Variants in RHOT1 observed in about 807,000 individuals in gnomAD.
RHOT1 encodes the protein mitochondrial Rho GTPase 1.
Under a neutral mutation model 95.3 loss-of-function variants are expected in RHOT1, and 27 were observed. The ratio of observed to expected loss-of-function variants is 0.28; its 90% CI spans 0.21 to 0.39. The LOEUF (loss-of-function observed/expected upper bound fraction) is 0.39, where lower values mean the gene tolerates loss of function less well. Among genes scored for constraint, RHOT1 ranks in the 10% least tolerant of loss-of-function variants. RHOT1 has a pLI of 1.00. For missense variants in RHOT1, 578 were observed against 786.7 expected (o/e 0.73, Z 3.17); for synonymous variants, 227 against 263.5 (o/e 0.86, Z 1.34).
intron 16 of RHOT1, among the ~76,000 whole-genome samples, chr17:32,205,184 C>T (rs965734040): frequency 6.6e-6 from 1 of 151,874 alleles, no homozygotes; most frequent in Admixed American, 6.6e-5. Flanking sequence ...CACCCCCTGA[C>T]AGGCCCCTGT....
intron 16 of RHOT1, among the ~76,000 whole-genome samples, chr17:32,206,635 A>G (rs2037771810): frequency 6.6e-6 from 1 of 151,364 alleles, no homozygotes; most frequent in African/African-American, 2.4e-5. Context: ...TTGTATTTTT[A>G]GTATAGGCAG....
rs1312307740 is a variant in RHOT1 at position 32,183,246 on chromosome 17, C to T, written c.514C>T (p.Pro172Ser). 1 of 1,523,974 alleles carries T rather than the reference C, an allele frequency of 6.6e-7. No homozygotes were observed. The highest frequency in any genetic ancestry group is 8.8e-7 in the Non-Finnish European group (1 of 1,132,214). The allele number at this position is 1,523,974 out of a possible 1,614,324, so 94.4% of individuals were successfully genotyped here. The stretch of plus-strand genomic sequence containing the variant: ...GAAAGCTGTTCTTCATCCTACAGGG[C>T]CCCTGTACTGCCCAGAGGAGAAGGA... ...AQKAVLHPTG[P>S]LYCPEEKEMK... The change falls in exon 8 of 20, where the codon CCC becomes TCC. Residue 172 changes from proline to serine, a missense_variant. Physicochemically the swap from Pro to Ser is moderately conservative, Grantham distance 74. Coordinates refer to ENST00000545287, the MANE Select transcript of RHOT1 (RefSeq NM_001033566.3).
intron 4 of RHOT1, 48 bp from the exon 5 acceptor site, chr17:32,175,914 T>C (rs771560975): frequency 3.0e-6 from 4 of 1,315,568 alleles, no homozygotes; most frequent in Non-Finnish European, 4.2e-6. Flanking sequence ...GTGCTGTCTA[T>C]GTTTTTATTA....
chr17:32,190,018 T>G (rs769150732), intron 8 of RHOT1, among the ~76,000 whole-genome samples: 125 of 152,266 alleles, frequency 8.2e-4, no homozygotes, highest in Non-Finnish European at 1.4e-3. Context: ...AATACCATAA[T>G]TTTTTATAGC....
At chr17:32,168,751 C>T (rs1390022835) in intron 1 of RHOT1, among the ~76,000 whole-genome samples, 1 of 151,882 alleles carries the variant, frequency 6.6e-6, no homozygotes, top group African/African-American at 2.4e-5. Context: ...AAGTATGGCA[C>T]AAGAAAGAGA....
intron 1 of RHOT1, among the ~76,000 whole-genome samples, chr17:32,149,884 G>T (rs893315089): frequency 6.6e-6 from 1 of 151,620 alleles, no homozygotes; most frequent in Non-Finnish European, 1.5e-5. Context: ...TAGTAGCTGG[G>T]ATTATAGGCA....
At chr17:32,217,941 C>T (rs913543676) in intron 19 of RHOT1, among the ~76,000 whole-genome samples, 2 of 151,794 alleles carry the variant, frequency 1.3e-5, no homozygotes, top group African/African-American at 4.8e-5. Context: ...CAGCTCATCG[C>T]AACCCCCACC....
At chr17:32,193,780 C>T (rs1382800441) in intron 10 of RHOT1, among the ~76,000 whole-genome samples, 1 of 152,170 alleles carries the variant, frequency 6.6e-6, no homozygotes, top group Non-Finnish European at 1.5e-5. Flanking sequence ...TCCTCTAGTG[C>T]TCTCTCTTGC....
At chr17:32,193,588 A>G (rs547561000) in intron 10 of RHOT1, among the ~76,000 whole-genome samples, 5 of 152,346 alleles carry the variant, frequency 3.3e-5, no homozygotes, top group African/African-American at 7.2e-5. Flanking sequence ...AATTTTGTCT[A>G]TGAGTCAAAT....
chr17:32,182,037 C>G (rs2035677234), intron 6 of RHOT1, among the ~76,000 whole-genome samples: 1 of 152,196 alleles, frequency 6.6e-6, no homozygotes, highest in African/African-American at 2.4e-5. Flanking sequence ...TCCTTCACCC[C>G]TTGGCTCAAA....
rs1210197093 is a variant in RHOT1 at position 32,154,892 on chromosome 17, TA to T, written c.37+12179del. On this transcript the variant is annotated intron_variant, in intron 1 of 19. Transcript: ENST00000545287. ...TTGGGCAACAGAGCAAGGATCCATCTAAAAAAAAAAAAAAAATTAGCTGAGT... is the reference window on the plus strand; with the variant it reads ...TTGGGCAACAGAGCAAGGATCCATCTAAAAAAAAAAAAAAATTAGCTGAGT... Among the ~76,000 whole-genome samples, 757 of 137,102 alleles carry T rather than the reference TA, an allele frequency of 5.5e-3. 2 individuals are homozygous for T. Among genetic ancestry groups the T allele is most frequent in the East Asian group, 0.015 (69 of 4,712 alleles). The allele number at this position is 137,102 out of a possible 152,430, so 89.9% of individuals were successfully genotyped here.
chr17:32,195,694 C>T (rs916786493), intron 11 of RHOT1, among the ~76,000 whole-genome samples: 3 of 152,180 alleles, frequency 2.0e-5, no homozygotes, highest in African/African-American at 7.2e-5. Flanking sequence ...TTTTACTTCT[C>T]CGTTATTGAG....
At chr17:32,200,732 C>T (rs182408992) in intron 13 of RHOT1, among the ~76,000 whole-genome samples, 57 of 151,584 alleles carry the variant, frequency 3.8e-4, no homozygotes, top group Non-Finnish European at 7.7e-4. Context: ...CATGTTTGTG[C>T]CATTGCACTC....
At chr17:32,183,063 A>G in intron 7 of RHOT1, 108 bp from the exon 8 acceptor site, 5 of 934,382 alleles carry the variant, frequency 5.4e-6, no homozygotes, top group Non-Finnish European at 8.1e-6. Flanking sequence ...ACAAAGATGC[A>G]TTTTTCGTTT....
chr17:32,184,732 A>G (rs1185949675), intron 8 of RHOT1, among the ~76,000 whole-genome samples: 3 of 151,846 alleles, frequency 2.0e-5, no homozygotes. Flanking sequence ...TCCTGGGCTC[A>G]GGCAGTCTTC....
intron 13 of RHOT1, 63 bp from the exon 14 acceptor site, chr17:32,200,892 CT>C (rs974960754): frequency 7.5e-5 from 93 of 1,244,260 alleles, no homozygotes; most frequent in East Asian, 1.2e-4. Context: ...TAGCTATTGG[CT>C]TTTTTTTCCC....
chr17:32,154,306 C>T (rs1247934274), intron 1 of RHOT1, among the ~76,000 whole-genome samples: 7 of 143,920 alleles, frequency 4.9e-5, no homozygotes, highest in Admixed American at 2.7e-4. Context: ...AAAGGCCAGG[C>T]GCAGTGGCTC....
intron 1 of RHOT1, 71 bp downstream of exon 1, chr17:32,142,800 TCGCCCCTGC>T (rs2030565485): frequency 2.3e-6 from 3 of 1,327,024 alleles, no homozygotes; most frequent in African/African-American, 3.0e-5. Flanking sequence ...GTCGCCCCTG[TCGCCCCTGC>T]AGCCCCAACC....
At chr17:32,172,291 A>G (rs1373451656) in intron 2 of RHOT1, among the ~76,000 whole-genome samples, 2 of 152,144 alleles carry the variant, frequency 1.3e-5, no homozygotes, top group African/African-American at 4.8e-5. Flanking sequence ...AATGAAGTAT[A>G]TTTTCGTGTA....
Sources: allele counts gnomAD v4.1 joint callset (sites outside exome capture counted in the v4.1 genomes callset), GRCh38; gene constraint gnomAD v4.1.1; transcripts MANE v1.5; gene names NCBI Gene and HGNC (gene_info 2026-07-23, HGNC 2026-07-21).